Variants in DYNC2I1 observed in about 807,000 individuals in gnomAD.
DYNC2I1 encodes dynein 2 intermediate chain 1.
In DYNC2I1, 89 loss-of-function variants were observed where a neutral mutation model predicts 133.4. That is an observed-to-expected ratio of 0.67 (90% confidence interval 0.56 to 0.80). The LOEUF (loss-of-function observed/expected upper bound fraction) is 0.80, where lower values mean the gene tolerates loss of function less well. Ranked by LOEUF, DYNC2I1 falls within the 30% of genes least tolerant of loss-of-function variation. DYNC2I1 has a pLI of 0.00. For synonymous variants in DYNC2I1, 504 were observed against 484.3 expected (o/e 1.04, Z -0.54); for missense variants, 1,291 against 1,314.5 (o/e 0.98, Z 0.28).
intron 4 of DYNC2I1, among the ~76,000 whole-genome samples, chr7:158,877,434 A>G (rs1432705544): frequency 6.6e-6 from 1 of 152,258 alleles, no homozygotes; most frequent in African/African-American, 2.4e-5. Context: ...TTCGTTCATA[A>G]TTATTTCCTT....
chr7:158,952,717 AAGAC>A (rs954288353), intron 4 of DYNC2I1, among the ~76,000 whole-genome samples: 3 of 151,546 alleles, frequency 2.0e-5, no homozygotes, highest in South Asian at 2.1e-4. Context: ...GCCGCATCGT[AAGAC>A]AGAGTCCGCA....
chr7:158,934,437 C>A lies in DYNC2I1; in HGVS notation c.2666C>A (p.Thr889Lys). 1 of 1,602,622 alleles carries A rather than the reference C, an allele frequency of 6.2e-7. No homozygotes were observed. The highest frequency in any genetic ancestry group is 2.2e-5 in the East Asian group (1 of 44,602). The part of the protein sequence containing the change: ...GTDMGLISHG[T>K]RQDLRVAPKL... ...TCACAGGGTCTCATAAGCCATGGCACAAGACAAGATTTGAGAGTGGCTCCC... is the reference window on the plus strand; with the variant it reads ...TCACAGGGTCTCATAAGCCATGGCAAAAGACAAGATTTGAGAGTGGCTCCC... Residue 889 changes from threonine to lysine, a missense_variant, in exon 23 of 25, where the codon ACA becomes AAA. Transcript: ENST00000407559.
intron 8 of DYNC2I1, among the ~76,000 whole-genome samples, chr7:158,897,268 G>C (rs1704440690): frequency 6.6e-6 from 1 of 152,160 alleles, no homozygotes; most frequent in Admixed American, 6.6e-5. Context: ...CAAAGTGCTG[G>C]TATTACAGGT....
At chr7:158,942,844 G>A (rs1195116558) in intron 24 of DYNC2I1, among the ~76,000 whole-genome samples, 1 of 152,216 alleles carries the variant, frequency 6.6e-6, no homozygotes, top group Non-Finnish European at 1.5e-5. Flanking sequence ...CAGTTCACGT[G>A]ATGTCACTGA....
intron 5 of DYNC2I1, among the ~76,000 whole-genome samples, chr7:158,883,960 G>A (rs1380746415): frequency 3.4e-5 from 5 of 146,990 alleles, no homozygotes; most frequent in Admixed American, 1.4e-4. Flanking sequence ...CACCGCGCCC[G>A]GCCCAGTGAC....
At chr7:158,949,297 A>T (rs1851981040), downstream of DYNC2I1, among the ~76,000 whole-genome samples, 1 of 152,256 alleles carries the variant, frequency 6.6e-6, no homozygotes, top group Non-Finnish European at 1.5e-5. Flanking sequence ...TAGGCTTTTT[A>T]AAATAGTTTA....
chr7:158,919,838 T>G (rs1848837620), intron 15 of DYNC2I1, among the ~76,000 whole-genome samples: 1 of 152,062 alleles, frequency 6.6e-6, no homozygotes, highest in Non-Finnish European at 1.5e-5. Context: ...GCATCCACAC[T>G]CCCACACCCA....
Position 158,922,616 on chromosome 7 carries a change from A to G in DYNC2I1, c.2094+67A>G, listed in dbSNP as rs911952478. On this transcript the variant is annotated intron_variant, in intron 16 of 24. Transcript: ENST00000407559. ...GGCAGTGGACAGAGCGTGAAGGTGC[A>G]GGTGGGGAGAGTCACGGAGAGAGGT... is the stretch of plus-strand genomic sequence containing the variant. The G allele has an allele frequency of 3.3e-5, 49 of 1,486,646 alleles. No individual in the cohort carries two copies. In the South Asian group the frequency reaches 4.7e-4, roughly 14 times the overall value. The allele number at this position is 1,486,646 out of a possible 1,614,324, so 92.1% of individuals were successfully genotyped here. A position where few individuals can be genotyped will look rare whatever the true frequency, so the allele number is the denominator to read the frequency against.
intron 6 of DYNC2I1, among the ~76,000 whole-genome samples, chr7:158,886,595 A>G (rs1844627688): frequency 6.6e-6 from 1 of 151,956 alleles, no homozygotes; most frequent in Non-Finnish European, 1.5e-5. Flanking sequence ...GCTAACCTGA[A>G]ACAGTTTTTT....
At chr7:158,896,442 T>C (rs1055206961) in intron 8 of DYNC2I1, among the ~76,000 whole-genome samples, 2 of 152,278 alleles carry the variant, frequency 1.3e-5, no homozygotes, top group South Asian at 2.1e-4. Flanking sequence ...TAAATGCCAG[T>C]TGGTTGTGGT....
intron 24 of DYNC2I1, among the ~76,000 whole-genome samples, chr7:158,943,998 G>A (rs1851638835): frequency 6.6e-6 from 1 of 152,216 alleles, no homozygotes; most frequent in African/African-American, 2.4e-5. Flanking sequence ...GCAGCCAGAG[G>A]GACCTGACAC....
downstream of DYNC2I1, among the ~76,000 whole-genome samples, chr7:158,957,102 T>A (rs1852218368): frequency 6.6e-6 from 1 of 152,250 alleles, no homozygotes; most frequent in East Asian, 1.9e-4. Context: ...CCCACCTTGC[T>A]CTCCACGACT....
intron 14 of DYNC2I1, 74 bp downstream of exon 14, chr7:158,914,395 C>A (rs76246496): frequency 8.6e-7 from 1 of 1,157,464 alleles, no homozygotes; most frequent in Non-Finnish European, 1.2e-6. Context: ...AACATAGGAG[C>A]TTTTAAGATC....
chr7:158,946,477 C>T (rs1479986869), downstream of DYNC2I1, among the ~76,000 whole-genome samples: 1 of 152,260 alleles, frequency 6.6e-6, no homozygotes, highest in Admixed American at 6.5e-5. Context: ...CCCCGTGTTT[C>T]GTGTCTGGTC....
chr7:158,865,049 T>C (rs1690519032), intron 1 of DYNC2I1, among the ~76,000 whole-genome samples: 1 of 152,152 alleles, frequency 6.6e-6, no homozygotes, highest in South Asian at 2.1e-4. Context: ...CTGTTTGGCT[T>C]ACAGAGCGCG....
At chr7:158,914,516 C>A (rs954668513) in intron 14 of DYNC2I1, among the ~76,000 whole-genome samples, 195 bp downstream of exon 14, 1 of 152,140 alleles carries the variant, frequency 6.6e-6, no homozygotes. Flanking sequence ...CAGAATGACC[C>A]TGGGTAAATG....
chr7:158,845,503 GT>G, the DYNC2I1 span, among the ~76,000 whole-genome samples: 1 of 152,118 alleles, frequency 6.6e-6, no homozygotes, highest in Non-Finnish European at 1.5e-5. Flanking sequence ...TGCCGTAAGG[GT>G]TATAAAACTC....
rs759853923 is a variant in DYNC2I1 at position 158,945,730 on chromosome 7, G to A, written c.3152G>A (p.Arg1051His). The change falls in exon 25 of 25, where the codon CGT (arginine) becomes CAT (histidine). Residue 1051 changes from arginine (R) to histidine (H), a missense_variant. Physicochemically the swap from Arg to His is conservative, Grantham distance 29 (BLOSUM62 0). Coordinates refer to ENST00000407559, the MANE Select transcript of DYNC2I1 (RefSeq NM_018051.5). The surrounding 1 kb of genome is among the most constrained non-coding windows in gnomAD (Gnocchi z 4.1). ...GAGGTGGACGAGTGCAACAGGCTGC[G>A]TCTGCTTTTGCAGGAAGCCCTGTGG... ...APEVDECNRL[R>H]LLLQEALWPE... 36 of 1,602,430 alleles carry A rather than the reference G, an allele frequency of 2.2e-5. No individual in the cohort carries two copies. The highest frequency in any genetic ancestry group is 2.2e-4 in the South Asian group (20 of 89,580).
At chr7:158,886,449 A>T (rs1007102004) in intron 6 of DYNC2I1, among the ~76,000 whole-genome samples, 1 of 152,070 alleles carries the variant, frequency 6.6e-6, no homozygotes. Flanking sequence ...CTTGTAAAGG[A>T]TGTAGATTTG....
Sources: allele counts gnomAD v4.1 joint callset (sites outside exome capture counted in the v4.1 genomes callset), GRCh38; gene constraint gnomAD v4.1.1; non-coding constraint Gnocchi (gnomAD v3.1); transcripts MANE v1.5; gene names NCBI Gene and HGNC (gene_info 2026-07-23, HGNC 2026-07-21).